RGS7: variants seen among roughly 807,000 people sequenced by gnomAD.
The protein encoded by RGS7 is regulator of G protein signaling 7.
In RGS7, 27 loss-of-function variants were observed where a neutral mutation model predicts 81.1. The observed-to-expected ratio is 0.33, with a 90% CI of 0.25 to 0.46. The LOEUF (loss-of-function observed/expected upper bound fraction) is 0.46. Among genes scored for constraint, RGS7 ranks in the 20% least tolerant of loss-of-function variants. The pLI, the probability that RGS7 is intolerant of heterozygous loss-of-function variation, is 1.00. For synonymous variants in RGS7, 208 were observed against 207.7 expected (o/e 1.00, Z -0.01); for missense variants, 396 against 607.4 (o/e 0.65, Z 3.66).
At chr1:241,161,040 C>A (rs1035602945) in intron 2 of RGS7, among the ~76,000 whole-genome samples, 1 of 145,326 alleles carries the variant, frequency 6.9e-6, no homozygotes, top group Non-Finnish European at 1.5e-5. Flanking sequence ...TTTGCCCCAA[C>A]CTAATAACAC....
intron 2 of RGS7, among the ~76,000 whole-genome samples, chr1:241,140,191 T>A (rs1295027272): frequency 6.6e-6 from 1 of 152,204 alleles, no homozygotes; most frequent in African/African-American, 2.4e-5. Flanking sequence ...GCTCCCTCAC[T>A]GTGGGCTGCA....
intron 9 of RGS7, among the ~76,000 whole-genome samples, chr1:240,831,499 AC>A (rs1159039981): frequency 1.3e-5 from 2 of 152,174 alleles, no homozygotes; most frequent in Non-Finnish European, 2.9e-5. Context: ...AAATGAAGGC[AC>A]GAGCCCTATC....
At chr1:240,988,225 T>G (rs1194367168) in intron 3 of RGS7, among the ~76,000 whole-genome samples, 1 of 150,336 alleles carries the variant, frequency 6.7e-6, no homozygotes, top group Non-Finnish European at 1.5e-5. Context: ...GCTCTAATGG[T>G]GACTCCATCT....
At chr1:240,831,336 C>T (rs1693803145) in intron 9 of RGS7, among the ~76,000 whole-genome samples, 1 of 152,136 alleles carries the variant, frequency 6.6e-6, no homozygotes, top group South Asian at 2.1e-4. Context: ...GGTCATGACC[C>T]AGTGCTGATA....
At chr1:240,813,847 GA>G in intron 12 of RGS7, 119 bp from the exon 13 acceptor site, 1 of 707,848 alleles carries the variant, frequency 1.4e-6, no homozygotes, top group South Asian at 1.5e-5. Flanking sequence ...CTTAAAGCAT[GA>G]AATCCAATGG....
chr1:241,096,315 T>C (rs1281722122), intron 3 of RGS7, among the ~76,000 whole-genome samples: 1 of 152,092 alleles, frequency 6.6e-6, no homozygotes, highest in East Asian at 1.9e-4. Context: ...GGAGGGATAC[T>C]AACTAGAAAA....
chr1:241,250,466 A>AT (rs112899877), intron 2 of RGS7, among the ~76,000 whole-genome samples: 4,641 of 146,244 alleles, frequency 0.032, 94 homozygotes, highest in Middle Eastern at 0.061. Context: ...ATATTGTGGG[A>AT]TTTTTTTTTT....
chr1:241,093,804 C>T (rs552042141), intron 3 of RGS7, among the ~76,000 whole-genome samples: 1 of 152,122 alleles, frequency 6.6e-6, no homozygotes, highest in East Asian at 1.9e-4. Flanking sequence ...CCCAAATATT[C>T]TCCTTTTATA....
chr1:241,103,963 G>A (rs79934718), intron 2 of RGS7, among the ~76,000 whole-genome samples: 6,572 of 152,230 alleles, frequency 0.043, 236 homozygotes, highest in African/African-American at 0.091. Flanking sequence ...AATGCAAGAC[G>A]TAGTTATTAA....
At chr1:241,171,230 G>A (rs1039153786) in intron 2 of RGS7, among the ~76,000 whole-genome samples, 1 of 152,060 alleles carries the variant, frequency 6.6e-6, no homozygotes, top group Non-Finnish European at 1.5e-5. Flanking sequence ...CATCAAATAT[G>A]TCATTTGTTC....
rs1352441637 is a variant in RGS7, at chr1:240,936,690, C to G, written c.243G>C (p.Leu81Phe). 1.9e-6 allele frequency: 3 copies of G among 1,613,500 alleles called. No homozygotes were observed. The Admixed American group carries it at 5.0e-5, about 27-fold the overall frequency. Residue 81 changes from leucine to phenylalanine, a missense_variant, in exon 5 of 19, where the codon TTG (leucine) becomes TTC (phenylalanine). By Grantham distance (22) the Leu-to-Phe change is conservative. Transcript: ENST00000440928. ...AGCCGTGGGCAGCCATTAATGTTCC[C>G]AAATGGAGCGCCTCCACTGTTTTAT... is the stretch of plus-strand genomic sequence containing the variant. ...TIEDPVEALH[L>F]GTLMAAHGYF...
intron 2 of RGS7, among the ~76,000 whole-genome samples, chr1:241,138,695 C>T (rs891679194): frequency 6.6e-6 from 1 of 152,100 alleles, no homozygotes; most frequent in African/African-American, 2.4e-5. Flanking sequence ...TCATCTCGAC[C>T]CTTTCCATTT....
At chr1:241,243,637 C>G (rs2076371997) in intron 2 of RGS7, among the ~76,000 whole-genome samples, 1 of 152,112 alleles carries the variant, frequency 6.6e-6, no homozygotes, top group Non-Finnish European at 1.5e-5. Context: ...TGCAGCTGCC[C>G]TTTAACAAAA....
intron 6 of RGS7, among the ~76,000 whole-genome samples, chr1:240,884,389 TC>T (rs1032484494): frequency 1.3e-5 from 2 of 152,172 alleles, no homozygotes; most frequent in Non-Finnish European, 2.9e-5. Context: ...TGATTCAGTA[TC>T]CCCTAATTCA....
At chr1:241,211,009 G>A (rs182677351) in intron 2 of RGS7, among the ~76,000 whole-genome samples, 3 of 152,336 alleles carry the variant, frequency 2.0e-5, no homozygotes, top group Non-Finnish European at 4.4e-5. Context: ...ATATTGGCCA[G>A]GTGTGGGGCT....
chr1:241,307,145 C>T (rs2080226743), intron 2 of RGS7, among the ~76,000 whole-genome samples: 1 of 152,120 alleles, frequency 6.6e-6, no homozygotes, highest in Non-Finnish European at 1.5e-5. Context: ...CTCTTGTTCC[C>T]GCCCAATCTC....
intron 2 of RGS7, among the ~76,000 whole-genome samples, chr1:241,099,595 G>C (rs766290649): frequency 6.6e-6 from 1 of 152,190 alleles, no homozygotes; most frequent in Non-Finnish European, 1.5e-5. Context: ...CAAAGTCAAT[G>C]TGGAATTTAG....
chr1:241,108,492 G>A (rs954631213), intron 2 of RGS7, among the ~76,000 whole-genome samples: 4 of 152,120 alleles, frequency 2.6e-5, no homozygotes, highest in Admixed American at 6.5e-5. Context: ...TTTGCCCCGA[G>A]GTAGAAAATA....
At chr1:240,807,494 C>A (rs1441700639) in intron 14 of RGS7, among the ~76,000 whole-genome samples, 1 of 152,106 alleles carries the variant, frequency 6.6e-6, no homozygotes, top group Non-Finnish European at 1.5e-5. Flanking sequence ...TTAACTTGAC[C>A]ATTAATAAAT....
Sources: gnomAD v4.1 joint callset for allele counts (sites outside exome capture counted in the v4.1 genomes callset) on GRCh38, gnomAD v4.1.1 for gene constraint, MANE v1.5 for transcripts, NCBI Gene and HGNC (gene_info 2026-07-23, HGNC 2026-07-21) for gene names.